The following CWC27 variants were observed in gnomAD, a reference collection of about 807,000 sequenced individuals.
CWC27 encodes spliceosome-associated protein CWC27 homolog.
A neutral mutation model predicts 63.6 loss-of-function variants in CWC27; 47 were observed. The ratio of observed to expected loss-of-function variants is 0.74; its 90% CI spans 0.58 to 0.94. CWC27 has a LOEUF of 0.94. Among genes scored for constraint, CWC27 ranks in the 40% least tolerant of loss-of-function variants. CWC27 has a pLI of 0.00. For missense variants in CWC27, 495 were observed against 554.3 expected (o/e 0.89, Z 1.07); for synonymous variants, 175 against 179.8 (o/e 0.97, Z 0.22).
At chr5:64,868,754 A>G (rs975618716) in intron 10 of CWC27, among the ~76,000 whole-genome samples, 1 of 151,824 alleles carries the variant, frequency 6.6e-6, no homozygotes, top group Non-Finnish European at 1.5e-5. Flanking sequence ...TTTTTTTTGT[A>G]TTGAGTGTGA....
chr5:64,972,216 TAC>T (rs1230848894), intron 12 of CWC27, among the ~76,000 whole-genome samples: 2 of 152,214 alleles, frequency 1.3e-5, no homozygotes, highest in African/African-American at 4.8e-5. Flanking sequence ...CTTGAAATTG[TAC>T]ACTGTCTGGA....
intron 10 of CWC27, chr5:64,884,060 A>G (rs752200153): frequency 3.9e-5 from 6 of 152,084 alleles, no homozygotes; most frequent in Non-Finnish European, 8.8e-5. Flanking sequence ...GTTGCTAGCA[A>G]GTTCTTCCAG....
chr5:64,787,993 A>G (rs540960603), intron 6 of CWC27, among the ~76,000 whole-genome samples: 5 of 152,264 alleles, frequency 3.3e-5, no homozygotes, highest in Non-Finnish European at 5.9e-5. Context: ...TTTTTCCTTG[A>G]TATCCTACAA....
chr5:64,793,939 C>G (rs1434968362), intron 7 of CWC27, among the ~76,000 whole-genome samples: 2 of 152,116 alleles, frequency 1.3e-5, no homozygotes, highest in African/African-American at 4.8e-5. Context: ...GACACCCCTT[C>G]ACCCCACTCA....
intron 10 of CWC27, among the ~76,000 whole-genome samples, chr5:64,829,555 A>G (rs1326540789): frequency 1.3e-5 from 2 of 152,016 alleles, no homozygotes; most frequent in African/African-American, 4.8e-5. Flanking sequence ...AAGGCCTCAT[A>G]TACTTAATTG....
At chr5:64,908,979 C>T (rs1364788501) in intron 11 of CWC27, among the ~76,000 whole-genome samples, 1 of 152,116 alleles carries the variant, frequency 6.6e-6, no homozygotes, top group Non-Finnish European at 1.5e-5. Flanking sequence ...TTTCTAGCAT[C>T]GATGGTCTTT....
At chr5:64,806,123 G>A (rs932170955) in intron 10 of CWC27, among the ~76,000 whole-genome samples, 2 of 151,036 alleles carry the variant, frequency 1.3e-5, no homozygotes, top group Non-Finnish European at 3.0e-5. Flanking sequence ...AGTTTTTATG[G>A]TAATTTCTTA....
At chr5:64,963,751 G>A (rs542900249) in intron 11 of CWC27, among the ~76,000 whole-genome samples, 16 of 152,270 alleles carry the variant, frequency 1.1e-4, no homozygotes, top group African/African-American at 3.6e-4. Flanking sequence ...ATCAGCAGAC[G>A]TCACAGCTAT....
At chr5:64,835,116 AT>A (rs1414706661) in intron 10 of CWC27, among the ~76,000 whole-genome samples, 1 of 151,770 alleles carries the variant, frequency 6.6e-6, no homozygotes, top group Non-Finnish European at 1.5e-5. Flanking sequence ...AATTTTATTT[AT>A]TTTTGTGAAT....
rs188192349 is a variant in CWC27, at chr5:64,769,121, G to A, written c.-26G>A. The A allele has an allele frequency of 2.5e-6, 4 of 1,612,576 alleles. No homozygotes were observed. Among genetic ancestry groups the A allele is most frequent in the South Asian group, 1.1e-5 (1 of 91,038 alleles). ...GCCGGCCGCTCTCATCCCCCGTAAG[G>A]AGCAGAGTCCTTTGTACTGACCAAG... On this transcript the variant is annotated 5_prime_UTR_variant, in exon 1 of 14. Transcript: ENST00000381070.
At chr5:64,941,974 A>T (rs1748491469) in intron 11 of CWC27, among the ~76,000 whole-genome samples, 1 of 151,956 alleles carries the variant, frequency 6.6e-6, no homozygotes, top group East Asian at 1.9e-4. Flanking sequence ...ACTTCTTGGC[A>T]TGACAGGCAG....
chr5:64,797,970 A>G (rs183898959), intron 7 of CWC27, among the ~76,000 whole-genome samples: 7 of 152,276 alleles, frequency 4.6e-5, no homozygotes, highest in East Asian at 1.9e-4. Context: ...TCTGGGGCCA[A>G]TTCTGACTGT....
intron 11 of CWC27, among the ~76,000 whole-genome samples, chr5:64,913,817 A>C (rs1747838454): frequency 6.6e-6 from 1 of 152,136 alleles, no homozygotes; most frequent in Admixed American, 6.5e-5. Flanking sequence ...AAAATCTAAC[A>C]GGTTCTATAG....
At chr5:64,978,613 T>C (rs1476968624) in intron 13 of CWC27, among the ~76,000 whole-genome samples, 1 of 151,322 alleles carries the variant, frequency 6.6e-6, no homozygotes, top group African/African-American at 2.4e-5. Context: ...GGGTTTTTTT[T>C]TTTTTTTTGG....
At chr5:64,977,930 AC>A (rs1161748372) in intron 13 of CWC27, among the ~76,000 whole-genome samples, 1 of 151,840 alleles carries the variant, frequency 6.6e-6, no homozygotes, top group Non-Finnish European at 1.5e-5. Context: ...CTCCCACTAC[AC>A]CCTGGCTCAG....
intron 10 of CWC27, among the ~76,000 whole-genome samples, chr5:64,820,397 T>A (rs1745163817): frequency 1.8e-5 from 1 of 57,034 alleles, no homozygotes; most frequent in South Asian, 6.0e-4. Flanking sequence ...TTTAACTTTT[T>A]GTTGTTGTTG....
At chr5:64,895,928 C>A (rs565177388) in intron 11 of CWC27, among the ~76,000 whole-genome samples, 22 of 152,146 alleles carry the variant, frequency 1.4e-4, no homozygotes, top group Non-Finnish European at 2.4e-4. Flanking sequence ...AATGTTTAAT[C>A]AAATTCTAGG....
At chr5:64,882,381 G>A (rs979187388) in intron 10 of CWC27, among the ~76,000 whole-genome samples, 2 of 152,202 alleles carry the variant, frequency 1.3e-5, no homozygotes, top group Non-Finnish European at 2.9e-5. Flanking sequence ...GAGATGTCCA[G>A]CCTGCTGTTT....
chr5:64,830,789 A>T (rs1745497087), intron 10 of CWC27, among the ~76,000 whole-genome samples: 10 of 152,172 alleles, frequency 6.6e-5, no homozygotes, highest in Admixed American at 6.5e-4. Flanking sequence ...CACTTCTCAA[A>T]GGAAGACATT....
Sources: allele counts gnomAD v4.1 joint callset (sites outside exome capture counted in the v4.1 genomes callset), GRCh38; gene constraint gnomAD v4.1.1; transcripts MANE v1.5; gene names NCBI Gene and HGNC (gene_info 2026-07-23, HGNC 2026-07-21).